Variants in NTM observed in about 807,000 individuals in gnomAD.
NTM encodes the protein IgLON family member 2.
Under a neutral mutation model 42.1 loss-of-function variants are expected in NTM, and 13 were observed. That is an observed-to-expected ratio of 0.31 (90% confidence interval 0.20 to 0.49). NTM has a LOEUF of 0.49. Ranked by LOEUF, NTM falls within the 20% of genes least tolerant of loss-of-function variation. NTM has a pLI of 0.99. For synonymous variants in NTM, 187 were observed against 179.2 expected, an observed-to-expected ratio of 1.04 and a Z score of -0.35; for missense variants, 373 against 452.8, an observed-to-expected ratio of 0.82 and a Z score of 1.60.
intron 2 of NTM, among the ~76,000 whole-genome samples, chr11:131,994,614 G>A (rs1442028577): frequency 6.6e-6 from 1 of 152,094 alleles, no homozygotes; most frequent in Non-Finnish European, 1.5e-5. Flanking sequence ...TTATATGCTC[G>A]TATTTTTCAG....
Position 132,146,928 on chromosome 11 carries a change from T to C in NTM, c.400+414T>C, listed in dbSNP as rs10750500. ...CTTTTGGAAGTACAGGTATGCCATGTCCCCCTCCAGCCTTGAACGAAAGCA... is the reference window on the plus strand; with the variant it reads ...CTTTTGGAAGTACAGGTATGCCATGCCCCCCTCCAGCCTTGAACGAAAGCA... On this transcript the variant is annotated intron_variant, in intron 3 of 8. Transcript: ENST00000683400. This position sits in a 1 kb window ranked among gnomAD's most constrained non-coding sequence, Gnocchi z 4.5. The C allele has an allele frequency of 0.57, 105,337 of 184,068 alleles. 31,124 individuals are homozygous for C. Among genetic ancestry groups the C allele is most frequent in the Non-Finnish European group, 0.63 (56,024 of 88,730 alleles). 11.4% of individuals were successfully genotyped at this position (184,068 alleles called of 1,614,324 possible).
At chr11:131,407,614 C>G (rs1452142841) in intron 1 of NTM, among the ~76,000 whole-genome samples, 1 of 152,216 alleles carries the variant, frequency 6.6e-6, no homozygotes, top group African/African-American at 2.4e-5. Flanking sequence ...CAGCACCTCC[C>G]TTGCACTCTA....
chr11:131,559,216 T>G (rs2136981497), intron 1 of NTM, among the ~76,000 whole-genome samples: 1 of 152,356 alleles, frequency 6.6e-6, no homozygotes, highest in Admixed American at 6.5e-5. Context: ...ATCACACATT[T>G]CCAGCCATGT....
intron 2 of NTM, among the ~76,000 whole-genome samples, chr11:131,937,042 A>G (rs945211496): frequency 2.0e-5 from 3 of 152,206 alleles, no homozygotes; most frequent in Non-Finnish European, 2.9e-5. Flanking sequence ...CCCACCTACT[A>G]TTTTAACTCT....
chr11:132,199,865 C>T (rs1348050230), intron 3 of NTM, among the ~76,000 whole-genome samples: 5 of 151,686 alleles, frequency 3.3e-5, no homozygotes, highest in African/African-American at 9.7e-5. Flanking sequence ...TTGCGTCCCT[C>T]CAATCTCGGG....
chr11:131,742,344 A>G (rs2081300328), intron 1 of NTM, among the ~76,000 whole-genome samples: 1 of 152,236 alleles, frequency 6.6e-6, no homozygotes. Context: ...TTTACAAGTC[A>G]CATGTTTATT....
At chr11:131,410,501 A>G (rs11222602) in intron 1 of NTM, among the ~76,000 whole-genome samples, 1 of 144,294 alleles carries the variant, frequency 6.9e-6, no homozygotes, top group African/African-American at 2.6e-5. Flanking sequence ...TCAGAAACAA[A>G]CAAACAAACA....
intron 1 of NTM, among the ~76,000 whole-genome samples, chr11:131,506,477 C>T (rs559270131): frequency 5.9e-5 from 9 of 152,296 alleles, no homozygotes; most frequent in East Asian, 3.9e-4. Context: ...ACTGAGATGG[C>T]GTGTCGCTGG....
In NTM at chr11:131,681,246, C is replaced by T. The variant is rs1267522209; in HGVS notation, c.83-230318C>T. Among the ~76,000 whole-genome samples the T allele has an allele frequency of 2.7e-4, 9 of 33,940 alleles. 1 individual carries two copies. The highest frequency in any genetic ancestry group is 1.7e-3 in the South Asian group (1 of 606). 22.3% of individuals were successfully genotyped at this position (33,940 alleles called of 152,430 possible). A position where few individuals can be genotyped will look rare whatever the true frequency, so the allele number is the denominator to read the frequency against. ...GTGTATGTCTCCCTGTGTATGTGAGCGTGTGTTTCTGTGTCTGTGTGTATG... is the reference window on the plus strand; with the variant it reads ...GTGTATGTCTCCCTGTGTATGTGAGTGTGTGTTTCTGTGTCTGTGTGTATG... On this transcript the variant is annotated intron_variant, in intron 1 of 8. Transcript: ENST00000683400.
intron 1 of NTM, among the ~76,000 whole-genome samples, chr11:131,382,886 G>T (rs1302817039): frequency 1.3e-5 from 2 of 152,096 alleles, no homozygotes; most frequent in African/African-American, 4.8e-5. Context: ...AGTTACATAG[G>T]TTCATTCAAT....
intron 1 of NTM, among the ~76,000 whole-genome samples, chr11:131,821,944 C>T (rs1227676077): frequency 6.6e-6 from 1 of 152,184 alleles, no homozygotes; most frequent in Non-Finnish European, 1.5e-5. Flanking sequence ...ATATATGACA[C>T]TTCTGCCTTG....
chr11:131,960,407 C>T (rs908536749), intron 2 of NTM, among the ~76,000 whole-genome samples: 3 of 152,212 alleles, frequency 2.0e-5, no homozygotes, highest in African/African-American at 7.2e-5. Flanking sequence ...ATCCATGTCA[C>T]CGGCTGGATG....
At chr11:131,832,875 T>C (rs1177945992) in intron 1 of NTM, among the ~76,000 whole-genome samples, 4 of 152,234 alleles carry the variant, frequency 2.6e-5, no homozygotes, top group African/African-American at 9.6e-5. Flanking sequence ...TCTATCCAAA[T>C]GATAAGCTAA....
chr11:132,099,427 A>T (rs1479436815), intron 2 of NTM, among the ~76,000 whole-genome samples: 1 of 152,216 alleles, frequency 6.6e-6, no homozygotes. Context: ...ATTTCATTTT[A>T]AAAACTCACG....
intron 1 of NTM, chr11:131,911,345 C>T (rs538689715): frequency 1.5e-5 from 23 of 1,505,248 alleles, no homozygotes; most frequent in Admixed American, 2.2e-5. Flanking sequence ...CGCTTTTCTC[C>T]TCCCCGCGCC....
At chr11:132,036,584 C>A (rs1345078454) in intron 2 of NTM, among the ~76,000 whole-genome samples, 1 of 152,114 alleles carries the variant, frequency 6.6e-6, no homozygotes, top group Admixed American at 6.5e-5. Flanking sequence ...TGTCACCAAG[C>A]GAATGGTGTA....
chr11:132,311,112 GAGA>G (rs1256871045), intron 6 of NTM, among the ~76,000 whole-genome samples: 2 of 152,200 alleles, frequency 1.3e-5, no homozygotes, highest in East Asian at 3.9e-4. Flanking sequence ...AGGGCATTCT[GAGA>G]AGGAGAGCAG....
chr11:131,821,696 G>A (rs1565594151), intron 1 of NTM, among the ~76,000 whole-genome samples: 2 of 152,190 alleles, frequency 1.3e-5, no homozygotes, highest in South Asian at 2.1e-4. Flanking sequence ...TTTGCTCTGC[G>A]TATGTGGCGT....
intron 2 of NTM, among the ~76,000 whole-genome samples, chr11:131,932,447 T>G (rs944789350): frequency 6.6e-6 from 1 of 152,240 alleles, no homozygotes; most frequent in Non-Finnish European, 1.5e-5. Flanking sequence ...TATGCTTTTT[T>G]CAACATTTGA....
Sources: gnomAD v4.1 joint callset for allele counts (sites outside exome capture counted in the v4.1 genomes callset) on GRCh38, gnomAD v4.1.1 for gene constraint, Gnocchi (gnomAD v3.1) non-coding constraint, MANE v1.5 for transcripts, NCBI Gene and HGNC (gene_info 2026-07-23, HGNC 2026-07-21) for gene names.